The following KDSR variants were observed in gnomAD, a reference collection of about 807,000 sequenced individuals.
KDSR encodes 3-ketodihydrosphingosine reductase.
Under a neutral mutation model 41.3 loss-of-function variants are expected in KDSR, and 23 were observed. That is an observed-to-expected ratio of 0.56 (90% CI 0.40 to 0.79). The LOEUF is 0.79. Ranked by LOEUF, KDSR falls within the 30% of genes least tolerant of loss-of-function variation. The pLI, the probability that KDSR is intolerant of heterozygous loss-of-function variation, is 0.00. For synonymous variants in KDSR, 138 were observed against 151.7 expected (o/e 0.91, Z 0.66); for missense variants, 351 against 416.8 (o/e 0.84, Z 1.37).
At chr18:63,347,841 A>G (rs548576134) in intron 6 of KDSR, among the ~76,000 whole-genome samples, 1 of 152,112 alleles carries the variant, frequency 6.6e-6, no homozygotes, top group South Asian at 2.1e-4. Context: ...TAAAAGACTG[A>G]GTAAAAAAAA....
chr18:63,361,827 A>G (rs1274246295), intron 2 of KDSR, among the ~76,000 whole-genome samples: 1 of 152,204 alleles, frequency 6.6e-6, no homozygotes, highest in Non-Finnish European at 1.5e-5. Context: ...GAAAAAAGAA[A>G]AAAATAAAAG....
rs746977417 is a variant in KDSR, at chr18:63,331,020, G to T, written c.*762C>A. ...TTTCCCCATGAATGAGAAATGAAACGTTCCCTAAGCATTTGAGTCTAAAGA... is the reference window on the plus strand; with the variant it reads ...TTTCCCCATGAATGAGAAATGAAACTTTCCCTAAGCATTTGAGTCTAAAGA... On this transcript the variant is annotated 3_prime_UTR_variant, in exon 10 of 10. Transcript: ENST00000645214. The T allele has an allele frequency of 4.3e-6, 1 of 231,806 alleles. No homozygotes were observed. Among genetic ancestry groups the T allele is most frequent in the Non-Finnish European group, 8.5e-6 (1 of 117,056 alleles). The allele number at this position is 231,806 out of a possible 1,614,324, so 14.4% of individuals were successfully genotyped here.
At chr18:63,359,178 CAAAAA>C (rs74169959) in intron 3 of KDSR, among the ~76,000 whole-genome samples, 3 of 37,108 alleles carry the variant, frequency 8.1e-5, no homozygotes, top group African/African-American at 3.1e-4. Flanking sequence ...GACACTGCCT[CAAAAA>C]AAAAAAAAAA....
intron 3 of KDSR, among the ~76,000 whole-genome samples, chr18:63,356,272 A>T (rs1386890517): frequency 1.3e-5 from 2 of 152,002 alleles, no homozygotes; most frequent in Non-Finnish European, 2.9e-5. Context: ...GGTGGTGGGC[A>T]CTTATAATCC....
In KDSR at chr18:63,331,823, T is replaced by G. The variant is rs1195094052; in HGVS notation, c.958A>C (p.Met320Leu). The change falls in exon 10 of 10, where the codon ATG becomes CTG. Residue 320 changes from methionine to leucine, a missense_variant. Transcript: ENST00000645214. ...GCATTTTCAGATTTTTCTCTCTGCA[T>G]CATGCAGCGACGAACTATGCTGTCA... ...SFDSIVRRCM[M>L]QREKSENADK... 2 of 1,614,066 alleles carry G rather than the reference T, an allele frequency of 1.2e-6. No individual in the cohort carries two copies. Among genetic ancestry groups the G allele is most frequent in the African/African-American group, 1.3e-5 (1 of 75,056 alleles).
chr18:63,335,007 G>GGT (rs1914114823), intron 9 of KDSR, among the ~76,000 whole-genome samples: 1 of 152,110 alleles, frequency 6.6e-6, no homozygotes, highest in African/African-American at 2.4e-5. Context: ...CAGCAGATAC[G>GGT]GTGTTTTATT....
At chr18:63,360,752 C>T (rs889711194) in intron 2 of KDSR, among the ~76,000 whole-genome samples, 5 of 150,532 alleles carry the variant, frequency 3.3e-5, no homozygotes, top group South Asian at 4.2e-4. Context: ...AGCATGGTGG[C>T]GAGCACCTGT....
In KDSR at chr18:63,335,353, T is replaced by C. The variant is rs774845467; in HGVS notation, c.783A>G (p.Gly261=). The change falls in exon 9 of 10, where the codon GGA becomes GGG. Residue 261 remains glycine, a synonymous_variant. Transcript: ENST00000645214. ...AKQIVKDAIQ[G]NFNSSLGSDG... is the part of the protein sequence containing the mutation. Reference sequence around the variant, plus strand: ...CTGAGCCAAGGGAACTGTTGAAATTTCCTTGCTAAAAGAGAAGAAAAAGAA... The same window carrying C: ...CTGAGCCAAGGGAACTGTTGAAATTCCCTTGCTAAAAGAGAAGAAAAAGAA... 2 of 1,610,688 alleles carry C rather than the reference T, an allele frequency of 1.2e-6. No homozygotes were observed. Among genetic ancestry groups the C allele is most frequent in the South Asian group, 2.2e-5 (2 of 90,986 alleles).
At chr18:63,358,814 CAAAAAA>C (rs10652370) in intron 3 of KDSR, among the ~76,000 whole-genome samples, 1 of 62,652 alleles carries the variant, frequency 1.6e-5, no homozygotes, top group Non-Finnish European at 2.8e-5. Flanking sequence ...GACTCTGTCT[CAAAAAA>C]AAAAAAAAAA....
At position 63,337,782 on chromosome 18, in the gene KDSR, G is replaced by A. The variant is rs141151244; in HGVS notation, c.777+1018C>T. Among the ~76,000 whole-genome samples, 1,237 of 152,188 alleles carry A rather than the reference G, an allele frequency of 8.1e-3. 53 individuals are homozygous for A. Among genetic ancestry groups the A allele is most frequent in the Admixed American group, 0.063 (967 of 15,278 alleles). On this transcript the variant is annotated intron_variant, in intron 8 of 9. Transcript: ENST00000645214. The stretch of plus-strand genomic sequence containing the variant: ...TTTCTACTACAAATACAAAAAATTA[G>A]CCAGGTGTGGTTGTGAGCACCTGTA...
chr18:63,345,119 GA>G (rs1018079099), intron 6 of KDSR: 1 of 152,452 alleles, frequency 6.6e-6, no homozygotes, highest in Admixed American at 6.5e-5. Context: ...CTCCTCCACT[GA>G]ACCAACAAGA....
chr18:63,345,080 C>G (rs1309956932), intron 6 of KDSR: 1 of 152,546 alleles, frequency 6.6e-6, no homozygotes, highest in African/African-American at 2.4e-5. Context: ...TAACCGGCCT[C>G]TGCACATTAG....
At chr18:63,351,171 T>C in intron 5 of KDSR, 92 bp from the exon 6 acceptor site, 1 of 1,063,216 alleles carries the variant, frequency 9.4e-7, no homozygotes, top group Non-Finnish European at 1.4e-6. Context: ...AGTTCTTCAA[T>C]GCAAGCTCAA....
chr18:63,344,193 G>A (rs2091135395), intron 7 of KDSR: 2 of 471,592 alleles, frequency 4.2e-6, no homozygotes, highest in East Asian at 3.5e-5. Context: ...GAAAAAATCT[G>A]GTAGAAATTT....
In KDSR at chr18:63,331,666, C is replaced by T; in HGVS notation, c.*116G>A. 1 of 945,284 alleles carries T rather than the reference C, an allele frequency of 1.1e-6. No homozygotes were observed. Among genetic ancestry groups the T allele is most frequent in the Non-Finnish European group, 1.6e-6 (1 of 628,886 alleles). 58.6% of individuals were successfully genotyped at this position (945,284 alleles called of 1,614,324 possible). A position where few individuals can be genotyped will look rare whatever the true frequency, so the allele number is the denominator to read the frequency against. ...GCCACATTCCTGAAGAGCACTGGTC[C>T]AATCTGACGTATTCGAAAACAATAC... On this transcript the variant is annotated 3_prime_UTR_variant, in exon 10 of 10. Coordinates refer to ENST00000645214, the MANE Select transcript of KDSR (RefSeq NM_002035.4).
intron 2 of KDSR, among the ~76,000 whole-genome samples, chr18:63,362,444 G>A (rs1233280778): frequency 1.3e-5 from 2 of 152,154 alleles, no homozygotes; most frequent in Non-Finnish European, 2.9e-5. Context: ...ACTGCTTCCA[G>A]CACTTCTGAC....
At chr18:63,342,168 CAAAAA>C (rs57407258) in intron 7 of KDSR, among the ~76,000 whole-genome samples, 3 of 123,682 alleles carry the variant, frequency 2.4e-5, no homozygotes, top group Non-Finnish European at 1.7e-5. Context: ...GACTCTATCA[CAAAAA>C]AAAAAAAAAA....
chr18:63,364,692 CCTT>C (rs1187040141), intron 1 of KDSR, among the ~76,000 whole-genome samples: 1 of 152,192 alleles, frequency 6.6e-6, no homozygotes, highest in East Asian at 1.9e-4. Context: ...TATGCACTCT[CCTT>C]GACCTCCCAA....
chr18:63,335,186 C>T (rs1216948449), intron 9 of KDSR, 71 bp downstream of exon 9: 3 of 965,578 alleles, frequency 3.1e-6, no homozygotes, highest in Non-Finnish European at 4.9e-6. Flanking sequence ...CTCTTCTCAT[C>T]AAGGTTTGAT....
Sources: gnomAD v4.1 joint callset for allele counts (sites outside exome capture counted in the v4.1 genomes callset) on GRCh38, gnomAD v4.1.1 for gene constraint, MANE v1.5 for transcripts, NCBI Gene and HGNC (gene_info 2026-07-23, HGNC 2026-07-21) for gene names.